The following TPM4 variants were observed in gnomAD, a reference collection of about 807,000 sequenced individuals.
TPM4 encodes tropomyosin alpha-4 chain.
TPM4 carries 17 observed loss-of-function variants against 35.8 expected under a neutral mutation model. The ratio of observed to expected loss-of-function variants is 0.47; its 90% confidence interval spans 0.32 to 0.71. The LOEUF is 0.71. Ranked by LOEUF, TPM4 falls within the 30% of genes least tolerant of loss-of-function variation. The pLI is 0.03. For synonymous variants in TPM4, 120 were observed against 122.9 expected (o/e 0.98, Z 0.15); for missense variants, 240 against 320.9 (o/e 0.75, Z 1.93).
intron 2 of TPM4, among the ~76,000 whole-genome samples, chr19:16,069,406 T>C (rs1266518056): frequency 1.5e-3 from 1 of 650 alleles, no homozygotes; most frequent in African/African-American, 4.3e-3. Flanking sequence ...TGTGTATGAG[T>C]GTGTGTTTCT....
chr19:16,070,651 G>A lies in TPM4; in HGVS notation c.114+2913G>A, dbSNP rs1454613403. Reference sequence around the variant, plus strand: ...CCCCATGACAGGATTAGAGGTGACTGTACAGGTGGAACCCTTGGCCCGGAG... The same window carrying A: ...CCCCATGACAGGATTAGAGGTGACTATACAGGTGGAACCCTTGGCCCGGAG... On this transcript the variant is annotated intron_variant, in intron 2 of 2. Coordinates refer to the TPM4 transcript ENST00000589897. The surrounding 1 kb of genome is among the most constrained non-coding windows in gnomAD (Gnocchi z 7.4). 6.6e-6 allele frequency among the ~76,000 whole-genome samples: 1 copy of A among 152,178 alleles called. No homozygotes were observed. The highest frequency in any genetic ancestry group is 1.5e-5 in the Non-Finnish European group (1 of 68,016).
chr19:16,079,705 ATTT>A, intron 1 of TPM4: 1 of 173,108 alleles, frequency 5.8e-6, no homozygotes, highest in Non-Finnish European at 1.2e-5. Flanking sequence ...TTTCCTAATA[ATTT>A]TTTTTTTTTG....
chr19:16,069,942 A>G (rs1430638919), intron 2 of TPM4, among the ~76,000 whole-genome samples: 1 of 151,784 alleles, frequency 6.6e-6, no homozygotes, highest in Non-Finnish European at 1.5e-5. Context: ...CCACTGTGAC[A>G]GAAGCCCGCT....
At chr19:16,081,343 G>A (rs2090479976) in intron 1 of TPM4, 1 of 335,946 alleles carries the variant, frequency 3.0e-6, no homozygotes, top group East Asian at 4.5e-5. Flanking sequence ...CAAAGCACAT[G>A]GTATGTTTGA....
In TPM4 at chr19:16,102,207, C is replaced by T. The variant is rs538402405; in HGVS notation, c.*861C>T. 8.6e-5 allele frequency: 16 copies of T among 186,348 alleles called. No homozygotes were observed. The highest frequency in any genetic ancestry group is 1.6e-4 in the Non-Finnish European group (14 of 88,268). The allele number at this position is 186,348 out of a possible 1,614,324, so 11.5% of individuals were successfully genotyped here. On this transcript the variant is annotated 3_prime_UTR_variant, in exon 8 of 8. Coordinates refer to ENST00000643579, the MANE Select transcript of TPM4 (RefSeq NM_003290.3). ...ACTAAAAATACAAAAATTATGGTGA[C>T]GCCTGCCTGTAGTCCCAGCTACTCG...
At chr19:16,089,932 T>C (rs913818548) in intron 5 of TPM4, among the ~76,000 whole-genome samples, 1 of 151,764 alleles carries the variant, frequency 6.6e-6, no homozygotes, top group Non-Finnish European at 1.5e-5. Context: ...GATCTCAGCT[T>C]ACTGCAGCCT....
chr19:16,086,665 C>T, intron 3 of TPM4, 125 bp downstream of exon 3: 2 of 740,930 alleles, frequency 2.7e-6, no homozygotes, highest in African/African-American at 1.8e-5. Context: ...CCTGCGTGAA[C>T]ATATGTTTGT....
rs1490402559 is a variant in TPM4 at position 16,067,975 on chromosome 19, G to A, written c.114+237G>A. On this transcript the variant is annotated intron_variant, in intron 2 of 2. Coordinates refer to the TPM4 transcript ENST00000589897. The surrounding 1 kb of genome is among the most constrained non-coding windows in gnomAD (Gnocchi z 4.1). ...CAGTGCGAACAAAGTGAGTTTGACA[G>A]AGAGAGAGTTGGCGGGGGAGGGAGA... 2.0e-6 allele frequency: 1 copy of A among 500,014 alleles called. No individual in the cohort carries two copies. The highest frequency in any genetic ancestry group is 3.5e-6 in the Non-Finnish European group (1 of 284,488). The allele number at this position is 500,014 out of a possible 1,614,324, so 31.0% of individuals were successfully genotyped here.
Position 16,070,787 on chromosome 19 carries a change from G to C in TPM4, c.114+3049G>C, listed in dbSNP as rs1255833926. ...CCCCAGGGCTGCCCTAAGAGTATGT[G>C]GCACATTCGTGCAGGCCAAGCCCCA... On this transcript the variant is annotated intron_variant, in intron 2 of 2. Coordinates refer to the TPM4 transcript ENST00000589897. This position sits in a 1 kb window ranked among gnomAD's most constrained non-coding sequence, Gnocchi z 7.4. Among the ~76,000 whole-genome samples, 1 of 151,150 alleles carries C rather than the reference G, an allele frequency of 6.6e-6. No individual in the cohort carries two copies. The highest frequency in any genetic ancestry group is 2.1e-4 in the South Asian group (1 of 4,778).
upstream of TPM4, chr19:16,076,006 C>CA (rs34376537): frequency 3.7e-4 from 553 of 1,480,008 alleles, 1 homozygote; most frequent in East Asian, 9.0e-4. Context: ...GGACGTGACC[C>CA]CCCCCCCAGG....
chr19:16,088,061 T>G lies in TPM4; in HGVS notation c.419T>G (p.Leu140Arg). The G allele has an allele frequency of 6.2e-7, 1 of 1,612,634 alleles. No individual in the cohort carries two copies. The highest frequency in any genetic ancestry group is 8.5e-7 in the Non-Finnish European group (1 of 1,179,598). ...AAGCTGGTCATCCTGGAGGGTGAGC[T>G]GGAGAGGGCAGAGGAGCGTGCGGAG... ...ARKLVILEGE[L>R]ERAEERAEVS... Residue 140 changes from leucine (L) to arginine (R), a missense_variant, in exon 4 of 8, where the codon CTG (leucine) becomes CGG (arginine). By Grantham distance (102) the Leu-to-Arg change is moderately radical. Transcript: ENST00000643579.
Position 16,067,801 on chromosome 19 carries a change from G to A in TPM4, c.114+63G>A. On this transcript the variant is annotated intron_variant, in intron 2 of 2. Transcript: ENST00000589897. This position sits in a 1 kb window ranked among gnomAD's most constrained non-coding sequence, Gnocchi z 4.1. Reference sequence around the variant, plus strand: ...GAGTCCTCTCTGTGCGGAAGGCCGGGGTCTGGAGCCCAGTTGGGGGTCGCA... The same window carrying A: ...GAGTCCTCTCTGTGCGGAAGGCCGGAGTCTGGAGCCCAGTTGGGGGTCGCA... 2 of 1,511,234 alleles carry A rather than the reference G, an allele frequency of 1.3e-6. No individual in the cohort carries two copies. The highest frequency in any genetic ancestry group is 1.8e-6 in the Non-Finnish European group (2 of 1,116,230). The allele number at this position is 1,511,234 out of a possible 1,614,324, so 93.6% of individuals were successfully genotyped here.
chr19:16,093,355 C>T (rs1453795581), intron 5 of TPM4, among the ~76,000 whole-genome samples, 181 bp from the exon 6 acceptor site: 1 of 152,036 alleles, frequency 6.6e-6, no homozygotes, highest in Non-Finnish European at 1.5e-5. Flanking sequence ...GCCACCAAGC[C>T]TGGCTAATTT....
chr19:16,091,661 G>GC (rs1386783973), intron 5 of TPM4, among the ~76,000 whole-genome samples: 1 of 152,088 alleles, frequency 6.6e-6, no homozygotes, highest in Non-Finnish European at 1.5e-5. Flanking sequence ...TGTGATCCTA[G>GC]CTACTTGGGA....
Position 16,088,105 on chromosome 19 carries a change from G to A in TPM4, c.455+8G>A, listed in dbSNP as rs1469164079. 1.2e-6 allele frequency: 2 copies of A among 1,609,662 alleles called. No homozygotes were observed. Among genetic ancestry groups the A allele is most frequent in the South Asian group, 2.2e-5 (2 of 89,958 alleles). On this transcript the variant is annotated splice_region_variant and intron_variant, in intron 4 of 7. Coordinates refer to ENST00000643579, the MANE Select transcript of TPM4 (RefSeq NM_003290.3). ...TGCGGAGGTGTCTGAACTGTGAGTG[G>A]CAGAACAGGACTGAGCGAGGCTGGC...
At chr19:16,087,410 C>G (rs1481960418) in intron 3 of TPM4, among the ~76,000 whole-genome samples, 1 of 152,086 alleles carries the variant, frequency 6.6e-6, no homozygotes, top group Non-Finnish European at 1.5e-5. Flanking sequence ...AACCCTGTCT[C>G]TACAAAAAAT....
intron 7 of TPM4, chr19:16,095,194 C>T: frequency 1.0e-6 from 1 of 982,238 alleles, no homozygotes; most frequent in Non-Finnish European, 1.2e-6. Flanking sequence ...ATCTGTGGCA[C>T]TCCATTCCGA....
intron 1 of TPM4, chr19:16,081,180 C>A: frequency 2.5e-6 from 1 of 397,416 alleles, no homozygotes; most frequent in African/African-American, 2.1e-5. Context: ...AGCCGGGTCA[C>A]TGATGGCCTT....
At chr19:16,083,753 A>AT (rs1321550163) in intron 2 of TPM4, among the ~76,000 whole-genome samples, 3 of 111,900 alleles carry the variant, frequency 2.7e-5, no homozygotes, top group South Asian at 5.7e-4. Flanking sequence ...CCAAAGATTC[A>AT]TTTCTTTTTT....
Sources: allele counts gnomAD v4.1 joint callset (sites outside exome capture counted in the v4.1 genomes callset), GRCh38; gene constraint gnomAD v4.1.1; non-coding constraint Gnocchi (gnomAD v3.1); transcripts MANE v1.5; gene names NCBI Gene and HGNC (gene_info 2026-07-23, HGNC 2026-07-21).